LPP: variants seen among roughly 807,000 people sequenced by gnomAD.
The protein encoded by LPP is LIM domain containing preferred translocation partner in lipoma.
A neutral mutation model predicts 60.4 loss-of-function variants in LPP; 38 were observed. That is an observed-to-expected ratio of 0.63 (90% CI 0.49 to 0.83). The LOEUF is 0.83. Among genes scored for constraint, LPP ranks in the 40% least tolerant of loss-of-function variants. The probability of loss-of-function intolerance (pLI) is 0.00; values close to 1 mark genes in which losing one functional copy is unlikely to be tolerated. For synonymous variants in LPP, 328 were observed against 290.8 expected (o/e 1.13, Z -1.30); for missense variants, 902 against 783.6 (o/e 1.15, Z -1.80).
chr3:188,825,815 A>G (rs1755329021), intron 9 of LPP, among the ~76,000 whole-genome samples: 1 of 151,992 alleles, frequency 6.6e-6, no homozygotes, highest in African/African-American at 2.4e-5. Context: ...TTTAAGGGCA[A>G]TCTTAAGGGA....
At chr3:188,704,815 T>G (rs539180565) in intron 7 of LPP, among the ~76,000 whole-genome samples, 3 of 152,278 alleles carry the variant, frequency 2.0e-5, no homozygotes, top group Non-Finnish European at 2.9e-5. Context: ...CATTAGATTT[T>G]GAGACTTGTC....
chr3:188,505,162 A>G (rs1384718454), intron 5 of LPP, among the ~76,000 whole-genome samples: 2 of 152,184 alleles, frequency 1.3e-5, no homozygotes, highest in African/African-American at 4.8e-5. Flanking sequence ...CTTCCAAAAT[A>G]AGTTGTTGAT....
Position 188,346,251 on chromosome 3 carries a change from C to CTTTTTTTTTTTTTTTTTTTT in LPP, c.-10+4539_-10+4558dup, listed in dbSNP as rs1050679907. ...CAGGGACCTGCCTAAAGTAGCAAAT[C>CTTTTTTTTTTTTTTTTTTTT]TTTTTTTTTTTTTTTTTTTTTTTTT... On this transcript the variant is annotated intron_variant, in intron 3 of 11. Coordinates refer to ENST00000617246, the MANE Select transcript of LPP (RefSeq NM_001375462.1). 1.2e-4 allele frequency among the ~76,000 whole-genome samples: 11 copies of CTTTTTTTTTTTTTTTTTTTT among 88,340 alleles called. 2 individuals carry two copies. Among genetic ancestry groups the CTTTTTTTTTTTTTTTTTTTT allele is most frequent in the African/African-American group, 5.8e-4 (11 of 19,120 alleles). 58.0% of individuals were successfully genotyped at this position (88,340 alleles called of 152,430 possible). A position where few individuals can be genotyped will look rare whatever the true frequency, so the allele number is the denominator to read the frequency against.
chr3:188,213,033 A>T (rs976751596), intron 1 of LPP: 1 of 152,108 alleles, frequency 6.6e-6, no homozygotes, highest in Non-Finnish European at 1.5e-5. Flanking sequence ...TTATATTTGT[A>T]TATTTTTTAA....
At chr3:188,766,388 A>AAAAAAAAAAAAAAAAAAAAAT (rs970853226) in intron 9 of LPP, among the ~76,000 whole-genome samples, 1 of 150,890 alleles carries the variant, frequency 6.6e-6, no homozygotes, top group Admixed American at 6.6e-5. Flanking sequence ...CAAAAAAAAA[A>AAAAAAAAAAAAAAAAAAAAAT]GGTTAAAAAT....
intron 2 of LPP, among the ~76,000 whole-genome samples, chr3:188,266,291 G>A (rs1432576699): frequency 6.6e-6 from 1 of 152,140 alleles, no homozygotes; most frequent in Non-Finnish European, 1.5e-5. Context: ...TTTTGACAGC[G>A]AGAACAAGAA....
At chr3:188,834,975 C>T (rs920245884) in intron 9 of LPP, among the ~76,000 whole-genome samples, 1 of 152,154 alleles carries the variant, frequency 6.6e-6, no homozygotes, top group Non-Finnish European at 1.5e-5. Context: ...GAGGAACGAC[C>T]TCTGAATGTC....
chr3:188,604,558 G>A (rs1842044747), intron 6 of LPP, among the ~76,000 whole-genome samples: 1 of 152,082 alleles, frequency 6.6e-6, no homozygotes, highest in Non-Finnish European at 1.5e-5. Context: ...GGGCACTAAT[G>A]AGATGACTGT....
intron 5 of LPP, among the ~76,000 whole-genome samples, chr3:188,496,956 T>C (rs1560480665): frequency 6.6e-6 from 1 of 152,184 alleles, no homozygotes; most frequent in Admixed American, 6.5e-5. Flanking sequence ...CAATCTTTCT[T>C]ACTACGGAAA....
At chr3:188,317,915 G>T (rs1290262432) in intron 2 of LPP, among the ~76,000 whole-genome samples, 2 of 152,152 alleles carry the variant, frequency 1.3e-5, no homozygotes, top group Non-Finnish European at 2.9e-5. Flanking sequence ...TGTGATCGTG[G>T]AGTACCGATC....
At chr3:188,731,277 T>A (rs1406066422) in intron 8 of LPP, among the ~76,000 whole-genome samples, 1 of 152,124 alleles carries the variant, frequency 6.6e-6, no homozygotes, top group Non-Finnish European at 1.5e-5. Flanking sequence ...AATCTTGGGG[T>A]AAAGGAAAGT....
At chr3:188,295,764 G>A (rs1297863257) in intron 2 of LPP, among the ~76,000 whole-genome samples, 1 of 152,146 alleles carries the variant, frequency 6.6e-6, no homozygotes, top group Non-Finnish European at 1.5e-5. Flanking sequence ...GAACTCCTGA[G>A]CTGAAGTGAG....
At chr3:188,289,955 G>A (rs1019431781) in intron 2 of LPP, among the ~76,000 whole-genome samples, 2 of 151,938 alleles carry the variant, frequency 1.3e-5, no homozygotes, top group Non-Finnish European at 2.9e-5. Context: ...AGTTCATGGT[G>A]GGAGTTCACC....
At chr3:188,620,188 A>T (rs2151540519) in intron 7 of LPP, among the ~76,000 whole-genome samples, 1 of 152,290 alleles carries the variant, frequency 6.6e-6, no homozygotes, top group South Asian at 2.1e-4. Context: ...AATTAATTTA[A>T]TTTAACACAA....
chr3:188,642,268 G>A (rs1301517234), intron 7 of LPP, among the ~76,000 whole-genome samples: 2 of 152,134 alleles, frequency 1.3e-5, no homozygotes, highest in South Asian at 2.1e-4. Context: ...GTGACTCAGT[G>A]TGCCCTGGAA....
chr3:188,659,174 CATTAGATGGCTGTTTATGTATGAT>C (rs1160837383), intron 7 of LPP, among the ~76,000 whole-genome samples: 4 of 152,146 alleles, frequency 2.6e-5, no homozygotes, highest in African/African-American at 9.7e-5. Flanking sequence ...TTTTCTTCAG[CATTAGATGGCTGTTTATGTATGAT>C]ATATTTCTCT....
At chr3:188,640,819 A>G (rs1258501671) in intron 7 of LPP, among the ~76,000 whole-genome samples, 1 of 152,178 alleles carries the variant, frequency 6.6e-6, no homozygotes, top group Non-Finnish European at 1.5e-5. Flanking sequence ...ACATGTCTAT[A>G]CCATGGCAGT....
chr3:188,565,927 C>T (rs1832024851), intron 6 of LPP, among the ~76,000 whole-genome samples: 1 of 151,790 alleles, frequency 6.6e-6, no homozygotes. Context: ...CTCTATTTAC[C>T]GTAAAGAGAG....
chr3:188,355,375 C>T (rs116498358), intron 3 of LPP, among the ~76,000 whole-genome samples: 4,744 of 152,172 alleles, frequency 0.031, 252 homozygotes, highest in African/African-American at 0.11. Flanking sequence ...TAAGGTAAAA[C>T]GCCCTGGTAA....
Sources: allele counts gnomAD v4.1 joint callset (sites outside exome capture counted in the v4.1 genomes callset), GRCh38; gene constraint gnomAD v4.1.1; transcripts MANE v1.5; gene names NCBI Gene and HGNC (gene_info 2026-07-23, HGNC 2026-07-21).